Variants in CNTN5 observed in about 807,000 individuals in gnomAD.
The protein encoded by CNTN5 is contactin 5.
A neutral mutation model predicts 129.1 loss-of-function variants in CNTN5; 77 were observed. The ratio of observed to expected loss-of-function variants is 0.60; its 90% CI spans 0.50 to 0.72. The LOEUF is 0.72. CNTN5 is among the 30% of genes least tolerant of loss of function. The probability of loss-of-function intolerance (pLI) is 0.00; values close to 1 mark genes in which losing one functional copy is unlikely to be tolerated. For synonymous variants in CNTN5, 509 were observed against 465.6 expected (o/e 1.09, Z -1.20); for missense variants, 1,478 against 1,328.8 (o/e 1.11, Z -1.75).
chr11:99,773,195 C>T (rs1945003553), intron 3 of CNTN5, among the ~76,000 whole-genome samples: 3 of 152,028 alleles, frequency 2.0e-5, no homozygotes, highest in African/African-American at 7.2e-5. Flanking sequence ...TCAAGTAGAG[C>T]ATAGATTGCA....
intron 1 of CNTN5, among the ~76,000 whole-genome samples, chr11:99,320,816 T>G (rs934215220): frequency 6.6e-6 from 1 of 152,080 alleles, no homozygotes; most frequent in African/African-American, 2.4e-5. Context: ...TCCCCAGACA[T>G]TGGGTCAAAC....
At chr11:100,069,466 G>C (rs1387150040) in intron 10 of CNTN5, among the ~76,000 whole-genome samples, 1 of 152,080 alleles carries the variant, frequency 6.6e-6, no homozygotes, top group African/African-American at 2.4e-5. Context: ...ACGTGCAGTT[G>C]TTTAATACAT....
intron 3 of CNTN5, among the ~76,000 whole-genome samples, chr11:99,780,003 G>T (rs562259189): frequency 6.6e-6 from 1 of 151,894 alleles, no homozygotes; most frequent in Non-Finnish European, 1.5e-5. Flanking sequence ...TTCTTGATAC[G>T]TATACGTGAA....
At chr11:99,274,267 T>A (rs917074272) in intron 1 of CNTN5, among the ~76,000 whole-genome samples, 1 of 151,824 alleles carries the variant, frequency 6.6e-6, no homozygotes, top group Non-Finnish European at 1.5e-5. Flanking sequence ...AATTTGAATC[T>A]ATGATATCGT....
At chr11:99,176,317 C>A (rs557375333) in intron 1 of CNTN5, among the ~76,000 whole-genome samples, 2 of 152,176 alleles carry the variant, frequency 1.3e-5, no homozygotes, top group South Asian at 4.1e-4. Flanking sequence ...GTTCTCTGTG[C>A]TACCTCACTT....
At chr11:99,763,235 C>T (rs1394217631) in intron 3 of CNTN5, among the ~76,000 whole-genome samples, 1 of 151,996 alleles carries the variant, frequency 6.6e-6, no homozygotes, top group Non-Finnish European at 1.5e-5. Context: ...TATAATGATA[C>T]ACATAAATAC....
intron 6 of CNTN5, among the ~76,000 whole-genome samples, chr11:99,864,830 A>C (rs867742313): frequency 3.3e-5 from 5 of 152,230 alleles, no homozygotes; most frequent in Admixed American, 2.6e-4. Flanking sequence ...TAAATACATG[A>C]AAGTGTACAT....
At chr11:99,804,024 T>TTTTG (rs1345973015) in intron 3 of CNTN5, among the ~76,000 whole-genome samples, 1 of 152,176 alleles carries the variant, frequency 6.6e-6, no homozygotes, top group Non-Finnish European at 1.5e-5. Flanking sequence ...TTAAAGTCTT[T>TTTTG]TTTGTTTGTT....
intron 3 of CNTN5, among the ~76,000 whole-genome samples, chr11:99,606,740 G>C (rs373034750): frequency 3.5e-5 from 5 of 144,642 alleles, no homozygotes; most frequent in African/African-American, 1.3e-4. Context: ...TTACTGGTAC[G>C]AAAACAGAGA....
intron 3 of CNTN5, among the ~76,000 whole-genome samples, chr11:99,676,294 C>T (rs892563810): frequency 6.6e-6 from 1 of 152,118 alleles, no homozygotes; most frequent in Non-Finnish European, 1.5e-5. Context: ...TTGTTAATTA[C>T]ATCAATACCA....
intron 3 of CNTN5, among the ~76,000 whole-genome samples, chr11:99,676,515 T>C (rs1953290801): frequency 6.6e-6 from 1 of 152,244 alleles, no homozygotes; most frequent in African/African-American, 2.4e-5. Flanking sequence ...CATGGTGTTC[T>C]GGCACATGTG....
intron 2 of CNTN5, among the ~76,000 whole-genome samples, chr11:99,403,120 C>A (rs563801901): frequency 1.0e-5 from 1 of 96,228 alleles, no homozygotes; most frequent in Non-Finnish European, 2.0e-5. Flanking sequence ...CATTCTCCTG[C>A]CTTAGCCTCC....
At chr11:99,637,043 T>TAAAAAAAAAAAAAAA (rs763109822) in intron 3 of CNTN5, among the ~76,000 whole-genome samples, 530 of 95,648 alleles carry the variant, frequency 5.5e-3, no homozygotes, top group South Asian at 0.012. Flanking sequence ...AAAAAAAAAG[T>TAAAAAAAAAAAAAAA]AAATGACTCT....
intron 18 of CNTN5, among the ~76,000 whole-genome samples, chr11:100,272,663 G>C (rs1157236420): frequency 6.6e-6 from 1 of 152,184 alleles, no homozygotes; most frequent in Non-Finnish European, 1.5e-5. Flanking sequence ...AGTGGACAGA[G>C]GGAAAACACA....
rs576497952 is a variant in CNTN5, at chr11:99,269,104, C to G, written c.-209-56242C>G. On this transcript the variant is annotated intron_variant, in intron 1 of 24. Transcript: ENST00000524871. The stretch of plus-strand genomic sequence containing the variant: ...AATTTAACCTGTCAAAGTTAATCAT[C>G]CTGTCGAAGTGCCAAAGCACCATGA... 2.3e-4 allele frequency among the ~76,000 whole-genome samples: 35 copies of G among 152,018 alleles called. No homozygotes were observed. In the South Asian group the frequency reaches 7.3e-3, roughly 32 times the overall value.
chr11:99,684,460 GCATT>G lies in CNTN5; in HGVS notation c.55+128211_55+128214del, dbSNP rs895016565. On this transcript the variant is annotated intron_variant, in intron 3 of 24. Transcript: ENST00000524871. ...CTTCTCTTCCAATCTTACTTTGTGT[GCATT>G]CATTCATTCATTCATTCATGCCTTA... Among the ~76,000 whole-genome samples the G allele has an allele frequency of 1.5e-3, 231 of 151,816 alleles. 2 individuals are homozygous for G. Among genetic ancestry groups the G allele is most frequent in the African/African-American group, 5.2e-3 (215 of 41,460 alleles).
chr11:99,083,105 A>C (rs1865874857), intron 1 of CNTN5, among the ~76,000 whole-genome samples: 1 of 152,066 alleles, frequency 6.6e-6, no homozygotes, highest in South Asian at 2.1e-4. Context: ...GTTGTTGTTC[A>C]TCAATTATTT....
intron 3 of CNTN5, among the ~76,000 whole-genome samples, chr11:99,602,507 C>T (rs1950345464): frequency 6.6e-6 from 1 of 152,116 alleles, no homozygotes; most frequent in African/African-American, 2.4e-5. Flanking sequence ...ACATTTCTGG[C>T]TACTTCAATT....
At chr11:99,779,781 A>G (rs1156229092) in intron 3 of CNTN5, among the ~76,000 whole-genome samples, 1 of 152,022 alleles carries the variant, frequency 6.6e-6, no homozygotes, top group Non-Finnish European at 1.5e-5. Flanking sequence ...GTTTGTGGCC[A>G]ACAACAAATC....
Sources: allele counts gnomAD v4.1 joint callset (sites outside exome capture counted in the v4.1 genomes callset), GRCh38; gene constraint gnomAD v4.1.1; transcripts MANE v1.5; gene names NCBI Gene and HGNC (gene_info 2026-07-23, HGNC 2026-07-21).